The following PDE10A variants were observed in gnomAD, a reference collection of about 807,000 sequenced individuals.
The protein encoded by PDE10A is cAMP and cAMP-inhibited cGMP 3',5'-cyclic phosphodiesterase 10A.
A neutral mutation model predicts 97.7 loss-of-function variants in PDE10A; 39 were observed. That is an observed-to-expected ratio of 0.40 (90% CI 0.31 to 0.52). The LOEUF is 0.52. PDE10A is among the 20% of genes least tolerant of loss of function. The probability of loss-of-function intolerance (pLI) is 0.56; values close to 1 mark genes in which losing one functional copy is unlikely to be tolerated. For synonymous variants in PDE10A, 371 were observed against 376.8 expected, an observed-to-expected ratio of 0.98 and a Z score of 0.18; for missense variants, 731 against 1,047.8, an observed-to-expected ratio of 0.70 and a Z score of 4.17.
At chr6:165,871,427 C>T (rs145688091) in intron 1 of PDE10A, among the ~76,000 whole-genome samples, 33 of 152,186 alleles carry the variant, frequency 2.2e-4, no homozygotes, top group African/African-American at 7.5e-4. Context: ...ACAGCACTCC[C>T]GATGTGACCT....
At chr6:165,704,676 G>GCA (rs1791664259) in intron 1 of PDE10A, among the ~76,000 whole-genome samples, 1 of 152,220 alleles carries the variant, frequency 6.6e-6, no homozygotes, top group African/African-American at 2.4e-5. Flanking sequence ...TGTCAGTTAA[G>GCA]TTTTGTGAGC....
chr6:165,604,212 C>A (rs1301613753), intron 1 of PDE10A, among the ~76,000 whole-genome samples: 1 of 152,146 alleles, frequency 6.6e-6, no homozygotes, highest in Non-Finnish European at 1.5e-5. Flanking sequence ...ATTCATTCGT[C>A]TTCATGGGTC....
chr6:165,617,839 C>T (rs142271458), intron 1 of PDE10A, among the ~76,000 whole-genome samples: 403 of 152,254 alleles, frequency 2.6e-3, no homozygotes, highest in Non-Finnish European at 4.6e-3. Flanking sequence ...TTTATTCTAA[C>T]GGCTCTCAGT....
intron 1 of PDE10A, among the ~76,000 whole-genome samples, chr6:165,614,802 G>A (rs1787650577): frequency 6.6e-6 from 1 of 151,030 alleles, no homozygotes; most frequent in Admixed American, 6.6e-5. Flanking sequence ...TGACTCTCCT[G>A]ATCAAATAGA....
intron 1 of PDE10A, among the ~76,000 whole-genome samples, chr6:165,826,461 G>T (rs1203178282): frequency 3.0e-5 from 4 of 134,028 alleles, no homozygotes; most frequent in South Asian, 2.7e-4. Flanking sequence ...GTGTCTCTCT[G>T]TCCCCATGTC....
At chr6:165,590,164 G>A (rs1231372792) in intron 1 of PDE10A, among the ~76,000 whole-genome samples, 1 of 152,184 alleles carries the variant, frequency 6.6e-6, no homozygotes, top group Non-Finnish European at 1.5e-5. Context: ...TTCCGGGATA[G>A]AATCTAGAGG....
At chr6:165,964,382 AT>A (rs945274042) in intron 1 of PDE10A, among the ~76,000 whole-genome samples, 6 of 151,992 alleles carry the variant, frequency 3.9e-5, no homozygotes, top group South Asian at 2.1e-4. Flanking sequence ...CATAGGACTT[AT>A]TTTTTTTATC....
intron 1 of PDE10A, among the ~76,000 whole-genome samples, chr6:165,912,135 C>T (rs887620913): frequency 6.6e-6 from 1 of 151,950 alleles, no homozygotes; most frequent in Non-Finnish European, 1.5e-5. Flanking sequence ...CTGTCTATAA[C>T]CTATTATCTA....
chr6:165,933,903 C>T (rs1301267028), intron 1 of PDE10A, among the ~76,000 whole-genome samples: 1 of 152,052 alleles, frequency 6.6e-6, no homozygotes, highest in Admixed American at 6.5e-5. Flanking sequence ...ACAGGCACAG[C>T]ACAGCAAGAG....
At chr6:165,690,203 T>G (rs1791234226) in intron 1 of PDE10A, among the ~76,000 whole-genome samples, 1 of 152,174 alleles carries the variant, frequency 6.6e-6, no homozygotes, top group Non-Finnish European at 1.5e-5. Context: ...TGAAATAGTT[T>G]CAGCCCGAAC....
chr6:165,604,341 C>T (rs1162254336), intron 1 of PDE10A, among the ~76,000 whole-genome samples: 4 of 152,084 alleles, frequency 2.6e-5, no homozygotes, highest in East Asian at 1.9e-4. Context: ...GCGATAGTTT[C>T]GAGTACCATT....
At chr6:165,797,962 A>T (rs1298227967) in intron 1 of PDE10A, among the ~76,000 whole-genome samples, 1 of 152,232 alleles carries the variant, frequency 6.6e-6, no homozygotes, top group African/African-American at 2.4e-5. Flanking sequence ...ATAGAACAAC[A>T]GAGTTGGCTA....
rs140852939 is a variant in PDE10A, at chr6:165,977,419, G to A, written c.-615+10110C>T. ...ATGGTCCATCTTTCTTCTTAATACC[G>A]TCTCCTTCAGCGTCCTCAAAGCAAG... On this transcript the variant is annotated intron_variant, in intron 1 of 19. Transcript: ENST00000366882. Among the ~76,000 whole-genome samples, 1,088 of 152,184 alleles carry A rather than the reference G, an allele frequency of 7.1e-3. 6 individuals carry two copies. Among genetic ancestry groups the A allele is most frequent in the African/African-American group, 0.025 (1,036 of 41,504 alleles).
At chr6:165,527,890 G>C (rs1782545200) in intron 2 of PDE10A, among the ~76,000 whole-genome samples, 1 of 152,162 alleles carries the variant, frequency 6.6e-6, no homozygotes, top group Admixed American at 6.5e-5. Context: ...CTAGGACCTG[G>C]TTCACAGATG....
At chr6:165,938,265 C>T (rs994140560) in intron 1 of PDE10A, among the ~76,000 whole-genome samples, 1 of 152,220 alleles carries the variant, frequency 6.6e-6, no homozygotes, top group African/African-American at 2.4e-5. Flanking sequence ...CAGAAGCAAA[C>T]ACTGCTTCAC....
intron 1 of PDE10A, among the ~76,000 whole-genome samples, chr6:165,839,891 C>CT (rs1780185051): frequency 7.0e-6 from 1 of 143,486 alleles, no homozygotes; most frequent in Non-Finnish European, 1.6e-5. Context: ...CTGTCTCCAT[C>CT]CCCATTCCCA....
intron 1 of PDE10A, among the ~76,000 whole-genome samples, chr6:165,814,632 T>C (rs6925639): frequency 0.013 from 1,983 of 152,242 alleles, 39 homozygotes; most frequent in African/African-American, 0.046. Context: ...GAAATCAAAA[T>C]GTAAAATTTG....
Position 165,835,782 on chromosome 6 carries a change from GA to G in PDE10A, c.-615+151746del, listed in dbSNP as rs374101415. 1.4e-3 allele frequency among the ~76,000 whole-genome samples: 213 copies of G among 152,330 alleles called. 7 individuals carry two copies. The South Asian group carries it at 0.027, about 19-fold the overall frequency. Reference sequence around the variant, plus strand: ...TGGCACAGCCAGCAGCGTACAGGAGGAGGGGGAGCGTTTCCTAGGGCAGGCA... The same window carrying G: ...TGGCACAGCCAGCAGCGTACAGGAGGGGGGGAGCGTTTCCTAGGGCAGGCA... On this transcript the variant is annotated intron_variant, in intron 1 of 19. Transcript: ENST00000366882.
At chr6:165,676,407 T>C (rs1162178112) in intron 1 of PDE10A, among the ~76,000 whole-genome samples, 1 of 152,140 alleles carries the variant, frequency 6.6e-6, no homozygotes, top group Non-Finnish European at 1.5e-5. Flanking sequence ...CAGTAAGAAA[T>C]ATCATGCATC....
Sources: allele counts gnomAD v4.1 joint callset (sites outside exome capture counted in the v4.1 genomes callset), GRCh38; gene constraint gnomAD v4.1.1; transcripts MANE v1.5; gene names NCBI Gene and HGNC (gene_info 2026-07-23, HGNC 2026-07-21).